BCAS3: variants seen among roughly 807,000 people sequenced by gnomAD.
The protein encoded by BCAS3 is BCAS4/BCAS3 fusion.
A neutral mutation model predicts 116.1 loss-of-function variants in BCAS3; 53 were observed. The observed-to-expected ratio is 0.46, with a 90% CI of 0.37 to 0.57. BCAS3 has a LOEUF of 0.57. BCAS3 is among the 20% of genes least tolerant of loss of function. BCAS3 has a pLI of 0.00. For missense variants in BCAS3, 917 were observed against 1,165.4 expected (o/e 0.79, Z 3.10); for synonymous variants, 391 against 408.2 (o/e 0.96, Z 0.51).
chr17:61,081,698 A>G (rs1232335651), intron 21 of BCAS3, among the ~76,000 whole-genome samples: 1 of 152,198 alleles, frequency 6.6e-6, no homozygotes, highest in Non-Finnish European at 1.5e-5. Flanking sequence ...TTTTATTCAC[A>G]TCAATTTTAA....
chr17:61,274,281 ATTTTTTTTT>A (rs780529516), intron 22 of BCAS3, among the ~76,000 whole-genome samples: 89 of 96,240 alleles, frequency 9.2e-4, no homozygotes, highest in African/African-American at 3.3e-3. Flanking sequence ...AAATCTTTGA[ATTTTTTTTT>A]TTTTTTTTTT....
In BCAS3 at chr17:60,998,088, C is replaced by T. The variant is rs575251063; in HGVS notation, c.1486+7853C>T. 2.0e-5 allele frequency among the ~76,000 whole-genome samples: 3 copies of T among 152,302 alleles called. No homozygotes were observed. In the South Asian group the frequency reaches 6.2e-4, roughly 32 times the overall value. ...TTTAGCTCCCACTTATAAGTGAAAA[C>T]ATGACATATTTGGTTTTCTGTTTCT... On this transcript the variant is annotated intron_variant, in intron 15 of 23. Transcript: ENST00000407086.
chr17:60,945,362 C>T (rs1304632773), intron 13 of BCAS3, among the ~76,000 whole-genome samples: 1 of 152,056 alleles, frequency 6.6e-6, no homozygotes, highest in Non-Finnish European at 1.5e-5. Flanking sequence ...AAATCCTAAA[C>T]AAGAATGGCT....
At chr17:61,369,873 T>G (rs1384421720) in intron 23 of BCAS3, among the ~76,000 whole-genome samples, 1 of 152,242 alleles carries the variant, frequency 6.6e-6, no homozygotes, top group East Asian at 1.9e-4. Flanking sequence ...CACAGGCTTT[T>G]GCCTGCATCT....
At chr17:60,916,028 T>C (rs2058762697) in intron 12 of BCAS3, among the ~76,000 whole-genome samples, 1 of 152,184 alleles carries the variant, frequency 6.6e-6, no homozygotes, top group African/African-American at 2.4e-5. Context: ...ATTGTATGAA[T>C]GTGTCAGTTT....
chr17:60,793,866 A>C (rs1282302385), intron 6 of BCAS3, among the ~76,000 whole-genome samples: 1 of 152,176 alleles, frequency 6.6e-6, no homozygotes, highest in Non-Finnish European at 1.5e-5. Flanking sequence ...GCTGCTATAA[A>C]CATGTGTGTG....
At chr17:61,070,958 A>G (rs528229333) in intron 19 of BCAS3, among the ~76,000 whole-genome samples, 11 of 152,332 alleles carry the variant, frequency 7.2e-5, no homozygotes, top group African/African-American at 2.6e-4. Context: ...AACAACAACT[A>G]CAACAAAAAC....
At chr17:60,811,494 C>T in intron 7 of BCAS3, 1 of 454,440 alleles carries the variant, frequency 2.2e-6, no homozygotes, top group South Asian at 1.9e-5. Context: ...TTTGGGGAGC[C>T]AGGAGGCCAA....
intron 19 of BCAS3, among the ~76,000 whole-genome samples, chr17:61,058,465 T>C (rs1156796550): frequency 2.6e-5 from 4 of 152,210 alleles, no homozygotes; most frequent in Admixed American, 6.5e-5. Context: ...GTTTTTTTCT[T>C]TTCTTGGTCA....
At chr17:61,268,509 A>G (rs1218200506) in intron 22 of BCAS3, among the ~76,000 whole-genome samples, 1 of 152,198 alleles carries the variant, frequency 6.6e-6, no homozygotes, top group Non-Finnish European at 1.5e-5. Flanking sequence ...AGAATTTTTC[A>G]TCATACAAAA....
At chr17:60,863,650 A>G (rs2054346459) in intron 7 of BCAS3, among the ~76,000 whole-genome samples, 1 of 152,188 alleles carries the variant, frequency 6.6e-6, no homozygotes, top group South Asian at 2.1e-4. Flanking sequence ...GCTACTCAGG[A>G]TGCTGTGACT....
rs1189118111 is a variant in BCAS3 at position 61,078,338 on chromosome 17, A to T, written c.2136A>T (p.Glu712Asp). 6.2e-7 allele frequency: 1 copy of T among 1,611,394 alleles called. No individual in the cohort carries two copies. Among genetic ancestry groups the T allele is most frequent in the African/African-American group, 1.3e-5 (1 of 74,938 alleles). ...QEDEEWLSQV[E>D]IVTHTGPHRR... ...TCATTGCTACTCCATTCCAGGTTGA[A>T]ATTGTAACACACACTGGACCCCATA... Residue 712 changes from glutamate (E) to aspartate (D), a missense_variant, in exon 21 of 24, where the codon GAA becomes GAT. Physicochemically the swap from Glu to Asp is conservative, Grantham distance 45 (BLOSUM62 2). This residue lies in a region of BCAS3 where 807 missense variants were observed against 1,026.0 expected (regional missense o/e 0.79). Coordinates refer to ENST00000407086, the MANE Select transcript of BCAS3 (RefSeq NM_017679.5).
intron 14 of BCAS3, among the ~76,000 whole-genome samples, chr17:60,970,765 GAATT>G (rs1216258700): frequency 2.6e-5 from 4 of 152,014 alleles, no homozygotes; most frequent in Admixed American, 6.6e-5. Flanking sequence ...AATAAAATCA[GAATT>G]AATAGGATGA....
intron 13 of BCAS3, among the ~76,000 whole-genome samples, chr17:60,941,781 A>G (rs2060237119): frequency 1.3e-5 from 2 of 152,210 alleles, no homozygotes; most frequent in African/African-American, 4.8e-5. Flanking sequence ...GAACGTGTTC[A>G]TTTGTGATTT....
intron 14 of BCAS3, among the ~76,000 whole-genome samples, chr17:60,977,916 G>A (rs1161133300): frequency 1.4e-5 from 2 of 144,244 alleles, no homozygotes; most frequent in East Asian, 3.9e-4. Flanking sequence ...GGACATTTGG[G>A]TTGGTTCCAA....
At chr17:61,294,155 A>C (rs1251729979) in intron 22 of BCAS3, among the ~76,000 whole-genome samples, 1 of 152,256 alleles carries the variant, frequency 6.6e-6, no homozygotes, top group African/African-American at 2.4e-5. Context: ...AAGTTATTTT[A>C]AAATACAATA....
At chr17:60,719,209 G>A (rs1224456897) in intron 5 of BCAS3, among the ~76,000 whole-genome samples, 2 of 152,206 alleles carry the variant, frequency 1.3e-5, no homozygotes, top group African/African-American at 4.8e-5. Context: ...TTTTAAATGT[G>A]TGAACCATAG....
Position 61,347,159 on chromosome 17 carries a change from C to G in BCAS3, c.2426-21168C>G, listed in dbSNP as rs1321618894. ...GTGCAATCTCAGCTCACCGCAACCT[C>G]CACCTCCAGGGTTCAAGCGATTCTC... On this transcript the variant is annotated intron_variant, in intron 22 of 23. Transcript: ENST00000407086. This position sits in a 1 kb window ranked among gnomAD's most constrained non-coding sequence, Gnocchi z 4.3. 1.3e-5 allele frequency among the ~76,000 whole-genome samples: 2 copies of G among 152,188 alleles called. No individual in the cohort carries two copies.
chr17:60,894,061 TA>T (rs2057355274), intron 10 of BCAS3, among the ~76,000 whole-genome samples: 2 of 152,144 alleles, frequency 1.3e-5, no homozygotes, highest in Non-Finnish European at 2.9e-5. Flanking sequence ...TATTTTATTT[TA>T]TTTTATTTTT....
Sources: gnomAD v4.1 joint callset for allele counts (sites outside exome capture counted in the v4.1 genomes callset) on GRCh38, gnomAD v4.1.1 for gene constraint, gnomAD v4.1.1 regional missense constraint, Gnocchi (gnomAD v3.1) non-coding constraint, MANE v1.5 for transcripts, NCBI Gene and HGNC (gene_info 2026-07-23, HGNC 2026-07-21) for gene names.